BTRC: variants seen among roughly 807,000 people sequenced by gnomAD.
BTRC encodes the protein F-box/WD repeat-containing protein 1A.
A neutral mutation model predicts 85.5 loss-of-function variants in BTRC; 42 were observed. That is an observed-to-expected ratio of 0.49 (90% CI 0.38 to 0.64). The LOEUF (loss-of-function observed/expected upper bound fraction) is 0.64, where lower values mean the gene tolerates loss of function less well. Ranked by LOEUF, BTRC falls within the 30% of genes least tolerant of loss-of-function variation. The probability of loss-of-function intolerance (pLI) is 0.00; values close to 1 mark genes in which losing one functional copy is unlikely to be tolerated. For missense variants in BTRC, 594 were observed against 743.5 expected, an observed-to-expected ratio of 0.80 and a Z score of 2.34; for synonymous variants, 255 against 263.3, an observed-to-expected ratio of 0.97 and a Z score of 0.30.
At chr10:101,354,108 G>T (rs763961017), upstream of BTRC, 8 of 1,514,714 alleles carry the variant, frequency 5.3e-6, no homozygotes, top group Admixed American at 2.0e-5. Flanking sequence ...CGGGATCCGG[G>T]CGCTGCGTTG....
Position 101,536,624 on chromosome 10 carries a change from C to G in BTRC, c.1548C>G (p.Asn516Lys), listed in dbSNP as rs1564834191. 1.2e-6 allele frequency: 2 copies of G among 1,613,506 alleles called. No homozygotes were observed. Among genetic ancestry groups the G allele is most frequent in the Admixed American group, 1.7e-5 (1 of 60,016 alleles). Residue 516 changes from asparagine to lysine, a missense_variant, in exon 12 of 15, where the codon AAC becomes AAG. Transcript: ENST00000370187. Reference protein sequence around the residue: ...EELVRCIRFDNKRIVSGAYDG... With the variant: ...EELVRCIRFDKKRIVSGAYDG... ...TGGTGCGTTGTATTCGATTTGATAA[C>G]AAGAGGATAGTCAGTGGGGCCTATG...
At chr10:101,535,044 T>A (rs968595266) in intron 10 of BTRC, 134 bp downstream of exon 10, 3 of 1,044,670 alleles carry the variant, frequency 2.9e-6, no homozygotes, top group African/African-American at 3.2e-5. Context: ...AGTCTACAAG[T>A]GAAAAGGTGT....
intron 3 of BTRC, among the ~76,000 whole-genome samples, chr10:101,464,020 T>C (rs984982833): frequency 4.6e-5 from 7 of 152,104 alleles, no homozygotes; most frequent in African/African-American, 1.7e-4. Context: ...TTTAACTGTT[T>C]GGAGAATCAA....
At chr10:101,517,028 T>A (rs981866817) in intron 4 of BTRC, among the ~76,000 whole-genome samples, 2 of 152,212 alleles carry the variant, frequency 1.3e-5, no homozygotes, top group African/African-American at 4.8e-5. Flanking sequence ...TGCCTGTGTG[T>A]TAGTTCTCTA....
At chr10:101,537,500 C>T (rs2062404953) in intron 12 of BTRC, among the ~76,000 whole-genome samples, 1 of 152,144 alleles carries the variant, frequency 6.6e-6, no homozygotes, top group South Asian at 2.1e-4. Flanking sequence ...CACACTCCAG[C>T]CTGGGCAACA....
intron 4 of BTRC, among the ~76,000 whole-genome samples, chr10:101,519,302 A>T (rs375433819): frequency 6.6e-6 from 1 of 151,352 alleles, no homozygotes; most frequent in East Asian, 1.9e-4. Flanking sequence ...CTGTTGTCAA[A>T]CTCCTGACCT....
chr10:101,486,429 G>GCA (rs34120569), intron 4 of BTRC, among the ~76,000 whole-genome samples: 56,165 of 150,292 alleles, frequency 0.37, 11,605 homozygotes, highest in Middle Eastern at 0.49. Flanking sequence ...GAAAAGCGTG[G>GCA]CACATTTCTC....
intron 1 of BTRC, among the ~76,000 whole-genome samples, chr10:101,390,105 C>A (rs1247912059): frequency 1.3e-5 from 2 of 152,098 alleles, no homozygotes; most frequent in African/African-American, 4.8e-5. Flanking sequence ...GAAAATAAAG[C>A]CCATGATAGT....
At chr10:101,542,751 T>G (rs2062487806) in intron 13 of BTRC, among the ~76,000 whole-genome samples, 1 of 152,194 alleles carries the variant, frequency 6.6e-6, no homozygotes. Context: ...TTTTTGTATT[T>G]TTTTTTAGAG....
At chr10:101,438,693 A>G (rs1463365593) in intron 2 of BTRC, among the ~76,000 whole-genome samples, 1 of 152,132 alleles carries the variant, frequency 6.6e-6, no homozygotes, top group African/African-American at 2.4e-5. Context: ...TACTGGTAAT[A>G]AACTACAAGG....
chr10:101,438,133 A>T (rs945002998), intron 2 of BTRC, among the ~76,000 whole-genome samples: 2 of 152,170 alleles, frequency 1.3e-5, no homozygotes, highest in Non-Finnish European at 2.9e-5. Flanking sequence ...TCATATACAG[A>T]AGGGAAAGAA....
chr10:101,404,279 C>T (rs1943566463), intron 1 of BTRC, among the ~76,000 whole-genome samples: 1 of 151,598 alleles, frequency 6.6e-6, no homozygotes, highest in African/African-American at 2.4e-5. Flanking sequence ...ATCCGCCCTC[C>T]TCGGCCTCCC....
intron 3 of BTRC, among the ~76,000 whole-genome samples, chr10:101,470,030 C>T (rs1173639063): frequency 6.6e-6 from 1 of 152,144 alleles, no homozygotes; most frequent in Admixed American, 6.5e-5. Context: ...TTACTATGAA[C>T]GTTCTTCTAT....
intron 6 of BTRC, among the ~76,000 whole-genome samples, chr10:101,527,159 T>C (rs1182070909): frequency 6.6e-6 from 1 of 152,216 alleles, no homozygotes; most frequent in Non-Finnish European, 1.5e-5. Context: ...TCCAAATTAA[T>C]TTTATCAGTT....
chr10:101,471,328 A>G (rs1349720330), intron 3 of BTRC, among the ~76,000 whole-genome samples: 2 of 152,164 alleles, frequency 1.3e-5, no homozygotes, highest in Non-Finnish European at 2.9e-5. Context: ...GTTGGAGGCT[A>G]CAGTGAGTTA....
At chr10:101,385,792 A>G (rs1011521255) in intron 1 of BTRC, among the ~76,000 whole-genome samples, 2 of 150,800 alleles carry the variant, frequency 1.3e-5, no homozygotes, top group Non-Finnish European at 3.0e-5. Flanking sequence ...CCTGAATCCT[A>G]TCTATGGACC....
At chr10:101,396,406 A>ATTT (rs1265051187) in intron 1 of BTRC, among the ~76,000 whole-genome samples, 4 of 127,136 alleles carry the variant, frequency 3.1e-5, no homozygotes, top group Non-Finnish European at 6.8e-5. Flanking sequence ...GGAGGTGAAG[A>ATTT]TTTTTTTTTT....
intron 1 of BTRC, among the ~76,000 whole-genome samples, chr10:101,396,406 ATTTTTTT>A (rs1265051187): frequency 1.1e-4 from 14 of 127,140 alleles, no homozygotes; most frequent in African/African-American, 4.1e-4. Flanking sequence ...GGAGGTGAAG[ATTTTTTT>A]TTTTTTTTTT....
At chr10:101,552,703 C>T (rs1180905860) in intron 14 of BTRC, among the ~76,000 whole-genome samples, 1 of 152,194 alleles carries the variant, frequency 6.6e-6, no homozygotes, top group Non-Finnish European at 1.5e-5. Flanking sequence ...TCCTCAACTG[C>T]ACTGTCCCCT....
Sources: allele counts gnomAD v4.1 joint callset (sites outside exome capture counted in the v4.1 genomes callset), GRCh38; gene constraint gnomAD v4.1.1; transcripts MANE v1.5; gene names NCBI Gene and HGNC (gene_info 2026-07-23, HGNC 2026-07-21).